Variants in COQ8B observed in about 807,000 individuals in gnomAD.
The protein encoded by COQ8B is atypical kinase COQ8B, mitochondrial.
Under a neutral mutation model 62.0 loss-of-function variants are expected in COQ8B, and 44 were observed. The observed-to-expected ratio is 0.71, with a 90% CI of 0.56 to 0.91. The LOEUF is 0.91. Among genes scored for constraint, COQ8B ranks in the 40% least tolerant of loss-of-function variants. The pLI, the probability that COQ8B is intolerant of heterozygous loss-of-function variation, is 0.00. For synonymous variants in COQ8B, 252 were observed against 289.9 expected (o/e 0.87, Z 1.33); for missense variants, 649 against 731.6 (o/e 0.89, Z 1.30).
chr19:40,695,636 G>A (rs906946935), intron 13 of COQ8B, among the ~76,000 whole-genome samples: 1 of 152,132 alleles, frequency 6.6e-6, no homozygotes, highest in African/African-American at 2.4e-5. Flanking sequence ...GGCAGTGGTT[G>A]GAAGCTTGGG....
chr19:40,697,841 T>TAGAG (rs1317449334), intron 12 of COQ8B, among the ~76,000 whole-genome samples: 42 of 46,930 alleles, frequency 8.9e-4, no homozygotes, highest in East Asian at 3.4e-3. Flanking sequence ...TATATATATA[T>TAGAG]ATATATATAT....
intron 12 of COQ8B, 102 bp from the exon 13 acceptor site, chr19:40,696,156 C>A: frequency 7.6e-7 from 1 of 1,322,836 alleles, no homozygotes; most frequent in Non-Finnish European, 1.1e-6. Context: ...ACCCTGCCTG[C>A]TCCTGCCAGA....
At chr19:40,715,139 C>T (rs1205047216) in intron 1 of COQ8B, 2 of 986,480 alleles carry the variant, frequency 2.0e-6, no homozygotes, top group Non-Finnish European at 2.4e-6. Flanking sequence ...CTTCGGCCAG[C>T]CAACCAATGG....
chr19:40,710,282 T>C, intron 4 of COQ8B, 146 bp from the exon 5 acceptor site: 1 of 731,896 alleles, frequency 1.4e-6, no homozygotes, highest in South Asian at 1.8e-5. Context: ...TCTCGCTCTG[T>C]TGCCCAGGCT....
intron 12 of COQ8B, among the ~76,000 whole-genome samples, chr19:40,697,369 C>T (rs1379255195): frequency 6.6e-6 from 1 of 152,142 alleles, no homozygotes; most frequent in Non-Finnish European, 1.5e-5. Context: ...CCACCTCAGC[C>T]TCCCAAAGTG....
At chr19:40,699,264 C>T (rs1373503399) in intron 12 of COQ8B, among the ~76,000 whole-genome samples, 1 of 152,038 alleles carries the variant, frequency 6.6e-6, no homozygotes, top group Non-Finnish European at 1.5e-5. Flanking sequence ...GTGGCCTCAG[C>T]TTTAATGGCA....
rs112299016 is a variant in COQ8B at position 40,694,672 on chromosome 19, G to C, written c.1209+1317C>G. Among the ~76,000 whole-genome samples, 29 of 152,342 alleles carry C rather than the reference G, an allele frequency of 1.9e-4. 1 individual carries two copies. The highest frequency in any genetic ancestry group is 6.7e-4 in the African/African-American group (28 of 41,574). ...AGGCTTCACATGCACATCCAAGTCT[G>C]AGAAATGCTGCTCTAATGGGACTGT... On this transcript the variant is annotated intron_variant, in intron 13 of 14. Coordinates refer to ENST00000324464, the MANE Select transcript of COQ8B (RefSeq NM_024876.4).
intron 10 of COQ8B, chr19:40,701,338 AAAG>A (rs763260959): frequency 2.0e-5 from 3 of 152,332 alleles, no homozygotes; most frequent in Non-Finnish European, 4.4e-5. Context: ...CAAAAAAATA[AAAG>A]AAGTATGTCT....
chr19:40,714,821 C>T, intron 1 of COQ8B, 186 bp from the exon 2 acceptor site: 1 of 1,344,226 alleles, frequency 7.4e-7, no homozygotes, highest in South Asian at 1.9e-5. Context: ...TTCCTGCAGG[C>T]CTCCCAAAAC....
intron 5 of COQ8B, among the ~76,000 whole-genome samples, 177 bp from the exon 6 acceptor site, chr19:40,705,624 T>A (rs963259808): frequency 2.0e-5 from 3 of 152,168 alleles, no homozygotes; most frequent in African/African-American, 7.2e-5. Flanking sequence ...ATATATATCA[T>A]CTGCACACCA....
Position 40,700,431 on chromosome 19 carries a change from G to C in COQ8B, c.914C>G (p.Pro305Arg), listed in dbSNP as rs893635174. 2.5e-6 allele frequency: 4 copies of C among 1,613,716 alleles called. No individual in the cohort carries two copies. Among genetic ancestry groups the C allele is most frequent in the Non-Finnish European group, 3.4e-6 (4 of 1,179,912 alleles). ...AACCACGGCTGGGACCCGGAAGAAG[G>C]GGTCATTTGCCAGCAGCTGCCTGGG... ...QNFRQLLAND[P>R]FFRVPAVVKE... The change falls in exon 11 of 15, where the codon CCC becomes CGC. Residue 305 changes from proline (P) to arginine (R), a missense_variant. By Grantham distance (103) the Pro-to-Arg change is moderately radical. Transcript: ENST00000324464.
At chr19:40,701,109 C>G (rs2082057434) in intron 10 of COQ8B, 1 of 152,286 alleles carries the variant, frequency 6.6e-6, no homozygotes, top group Non-Finnish European at 1.5e-5. Context: ...GGGAGAATCG[C>G]TTGAGCCCAG....
chr19:40,693,901 CT>C, intron 13 of COQ8B, among the ~76,000 whole-genome samples: 1 of 152,240 alleles, frequency 6.6e-6, no homozygotes, highest in Non-Finnish European at 1.5e-5. Flanking sequence ...CTGGGTTGCC[CT>C]TTTTTGTGAG....
In COQ8B at chr19:40,705,154, T is replaced by C; in HGVS notation, c.518A>G (p.Gln173Arg). The C allele has an allele frequency of 6.2e-7, 1 of 1,613,440 alleles. No homozygotes were observed. The highest frequency in any genetic ancestry group is 8.5e-7 in the Non-Finnish European group (1 of 1,179,746). Reference sequence around the variant, plus strand: ...CTGGCGGACCCGCTCAAAGATGTGCTGCAGCTGAGGGCTGATGAAGCTGTT... The same window carrying C: ...CTGGCGGACCCGCTCAAAGATGTGCCGCAGCTGAGGGCTGATGAAGCTGTT... ...QDNSFISPQL[Q>R]HIFERVRQSA... Residue 173 changes from glutamine (Q) to arginine (R), a missense_variant, in exon 7 of 15, where the codon CAG becomes CGG. Coordinates refer to ENST00000324464, the MANE Select transcript of COQ8B (RefSeq NM_024876.4).
Position 40,699,966 on chromosome 19 carries a change from T to C in COQ8B, c.1143+101A>G, listed in dbSNP as rs531330340. Reference sequence around the variant, plus strand: ...CTTGGAAAAGGGCCACCCCTGCCTATTGTGGGGGTAATCAACTGCTATTTT... The same window carrying C: ...CTTGGAAAAGGGCCACCCCTGCCTACTGTGGGGGTAATCAACTGCTATTTT... On this transcript the variant is annotated intron_variant, in intron 12 of 14. Coordinates refer to ENST00000324464, the MANE Select transcript of COQ8B (RefSeq NM_024876.4). 9.8e-5 allele frequency: 109 copies of C among 1,117,142 alleles called. No individual in the cohort carries two copies. The East Asian group carries it at 2.3e-3, about 24-fold the overall frequency. The allele number at this position is 1,117,142 out of a possible 1,614,324, so 69.2% of individuals were successfully genotyped here.
At chr19:40,700,016 A>G (rs373220747) in intron 12 of COQ8B, 51 bp downstream of exon 12, 1 of 1,536,816 alleles carries the variant, frequency 6.5e-7, no homozygotes, top group Non-Finnish European at 9.0e-7. Context: ...ATATCAAGGA[A>G]TATTTGTTAC....
rs1050235912 is a variant in COQ8B, at chr19:40,714,371, T to C, written c.129A>G (p.Gln43=). The change falls in exon 3 of 15, where the codon CAA becomes CAG. Residue 43 remains glutamine, a synonymous_variant. Coordinates refer to ENST00000324464, the MANE Select transcript of COQ8B (RefSeq NM_024876.4). ...RWGPCGGSWA[Q]KFYQDGPGRG... The stretch of plus-strand genomic sequence containing the variant: ...TCCCAGGCCCATCCTGGTAAAACTT[T>C]TGGGCCCAAGAACCTCCACATGGTC... 2 of 1,614,012 alleles carry C rather than the reference T, an allele frequency of 1.2e-6. No individual in the cohort carries two copies. Among genetic ancestry groups the C allele is most frequent in the African/African-American group, 1.3e-5 (1 of 74,930 alleles).
At chr19:40,699,992 G>A in intron 12 of COQ8B, 75 bp downstream of exon 12, 1 of 1,414,720 alleles carries the variant, frequency 7.1e-7, no homozygotes, top group Non-Finnish European at 1.0e-6. Flanking sequence ...CTGCTATTTT[G>A]TTGAGCTACC....
intron 14 of COQ8B, 152 bp from the exon 15 acceptor site, chr19:40,692,525 T>A: frequency 1.4e-6 from 1 of 690,766 alleles, no homozygotes; most frequent in Admixed American, 2.8e-5. Context: ...TTCCACTCCT[T>A]CCAGAGCCTG....
Sources: allele counts gnomAD v4.1 joint callset (sites outside exome capture counted in the v4.1 genomes callset), GRCh38; gene constraint gnomAD v4.1.1; transcripts MANE v1.5; gene names NCBI Gene and HGNC (gene_info 2026-07-23, HGNC 2026-07-21).